Variants in CNTNAP2 observed in about 807,000 individuals in gnomAD.
CNTNAP2 encodes contactin-associated protein-like 2.
CNTNAP2 carries 98 observed loss-of-function variants against 155.2 expected under a neutral mutation model. The ratio of observed to expected loss-of-function variants is 0.63; its 90% CI spans 0.54 to 0.75. CNTNAP2 has a LOEUF of 0.75. Ranked by LOEUF, CNTNAP2 falls within the 30% of genes least tolerant of loss-of-function variation. CNTNAP2 has a pLI of 0.00. For missense variants in CNTNAP2, 1,727 were observed against 1,688.1 expected, an observed-to-expected ratio of 1.02 and a Z score of -0.40; for synonymous variants, 651 against 631.2, an observed-to-expected ratio of 1.03 and a Z score of -0.47.
intron 1 of CNTNAP2, among the ~76,000 whole-genome samples, chr7:146,485,824 A>G (rs377249479): frequency 2.6e-5 from 4 of 152,102 alleles, no homozygotes; most frequent in African/African-American, 9.7e-5. Flanking sequence ...CAAATTACCT[A>G]TTAACAAACC....
intron 8 of CNTNAP2, among the ~76,000 whole-genome samples, chr7:147,266,678 A>G (rs1584831261): frequency 6.6e-6 from 1 of 152,166 alleles, no homozygotes; most frequent in East Asian, 1.9e-4. Context: ...TTTTGAGCCT[A>G]TTGTTGGATT....
intron 15 of CNTNAP2, among the ~76,000 whole-genome samples, chr7:147,981,099 A>G (rs1160780186): frequency 6.6e-6 from 1 of 152,192 alleles, no homozygotes; most frequent in Admixed American, 6.5e-5. Context: ...TGCCTTACAA[A>G]TGAAGAAAAT....
At chr7:147,062,881 T>G (rs1799709741) in intron 4 of CNTNAP2, among the ~76,000 whole-genome samples, 1 of 152,196 alleles carries the variant, frequency 6.6e-6, no homozygotes, top group Non-Finnish European at 1.5e-5. Context: ...GTCTTGATGC[T>G]CACACAGAGA....
chr7:148,204,727 T>G (rs1049573103), intron 18 of CNTNAP2, among the ~76,000 whole-genome samples: 2 of 152,220 alleles, frequency 1.3e-5, no homozygotes, highest in African/African-American at 4.8e-5. Context: ...CAGGAGCTAA[T>G]AAGCAAATCG....
chr7:147,141,720 G>C (rs1272359433), intron 8 of CNTNAP2, among the ~76,000 whole-genome samples: 2 of 152,052 alleles, frequency 1.3e-5, no homozygotes, highest in African/African-American at 4.8e-5. Flanking sequence ...CACAGGATCA[G>C]GTACTGTGGA....
intron 15 of CNTNAP2, among the ~76,000 whole-genome samples, chr7:148,017,890 C>T (rs574900173): frequency 8.5e-5 from 13 of 152,278 alleles, no homozygotes; most frequent in East Asian, 1.9e-4. Context: ...AAAATAAGTT[C>T]GGCTACCCAA....
intron 13 of CNTNAP2, among the ~76,000 whole-genome samples, chr7:147,857,545 C>T (rs1799060563): frequency 6.6e-6 from 1 of 152,130 alleles, no homozygotes; most frequent in Admixed American, 6.5e-5. Flanking sequence ...AATATTAAAA[C>T]TAAATTGTTG....
At chr7:146,432,948 A>G (rs1182133790) in intron 1 of CNTNAP2, among the ~76,000 whole-genome samples, 2 of 152,168 alleles carry the variant, frequency 1.3e-5, no homozygotes, top group Non-Finnish European at 2.9e-5. Flanking sequence ...TACAGAGAAA[A>G]GAGCTAATGA....
intron 18 of CNTNAP2, among the ~76,000 whole-genome samples, chr7:148,192,282 ACT>A (rs1380362434): frequency 1.3e-5 from 2 of 152,054 alleles, no homozygotes; most frequent in African/African-American, 2.4e-5. Context: ...GAGTCTCCAC[ACT>A]CTATGTCCAT....
intron 13 of CNTNAP2, among the ~76,000 whole-genome samples, chr7:147,755,612 A>C (rs1797204049): frequency 1.3e-5 from 2 of 152,228 alleles, no homozygotes; most frequent in South Asian, 4.1e-4. Context: ...AAATCATGCC[A>C]CTGCACCCCA....
At chr7:146,435,438 G>C (rs1202564609) in intron 1 of CNTNAP2, among the ~76,000 whole-genome samples, 1 of 152,156 alleles carries the variant, frequency 6.6e-6, no homozygotes, top group African/African-American at 2.4e-5. Context: ...CTAGTTAAAA[G>C]AATTGTGTGC....
At chr7:146,826,176 T>A (rs1177463491) in intron 2 of CNTNAP2, among the ~76,000 whole-genome samples, 1 of 152,124 alleles carries the variant, frequency 6.6e-6, no homozygotes, top group African/African-American at 2.4e-5. Context: ...TATATTTAGT[T>A]ACTAGTTAGA....
At chr7:147,562,386 A>G (rs1800081293) in intron 12 of CNTNAP2, 129 bp downstream of exon 12, 1 of 1,162,260 alleles carries the variant, frequency 8.6e-7, no homozygotes, top group Admixed American at 1.8e-5. Flanking sequence ...ATATTGCTGG[A>G]TTTGTTAGAT....
intron 1 of CNTNAP2, among the ~76,000 whole-genome samples, chr7:146,368,410 G>A (rs1406066115): frequency 1.3e-5 from 2 of 152,082 alleles, no homozygotes; most frequent in African/African-American, 4.8e-5. Flanking sequence ...TCCCAGATTG[G>A]TATGGTATTG....
At chr7:147,666,391 T>A (rs1795697419) in intron 13 of CNTNAP2, among the ~76,000 whole-genome samples, 1 of 152,174 alleles carries the variant, frequency 6.6e-6, no homozygotes, top group Non-Finnish European at 1.5e-5. Context: ...ACCACATTAC[T>A]CATGTGTGTG....
chr7:147,706,943 T>C (rs142728798), intron 13 of CNTNAP2, among the ~76,000 whole-genome samples: 2,517 of 152,268 alleles, frequency 0.017, 224 homozygotes, highest in Admixed American at 0.15. Context: ...TATTTTTTAT[T>C]TCATTTAAGG....
intron 13 of CNTNAP2, among the ~76,000 whole-genome samples, chr7:147,881,729 G>A (rs1355474429): frequency 6.6e-6 from 1 of 152,192 alleles, no homozygotes; most frequent in Admixed American, 6.5e-5. Flanking sequence ...CCAGCACTTT[G>A]GGAGGCCGAG....
chr7:147,837,089 T>A (rs1480399513), intron 13 of CNTNAP2, among the ~76,000 whole-genome samples: 1 of 152,156 alleles, frequency 6.6e-6, no homozygotes, highest in African/African-American at 2.4e-5. Flanking sequence ...ATATAATCAA[T>A]AAGCATGTTG....
chr7:147,199,798 G>A (rs1802886013), intron 8 of CNTNAP2, among the ~76,000 whole-genome samples: 1 of 150,958 alleles, frequency 6.6e-6, no homozygotes, highest in Admixed American at 6.6e-5. Context: ...ACATTTTTGA[G>A]AAGTTAGAAA....
Sources: gnomAD v4.1 joint callset for allele counts (sites outside exome capture counted in the v4.1 genomes callset) on GRCh38, gnomAD v4.1.1 for gene constraint, MANE v1.5 for transcripts, NCBI Gene and HGNC (gene_info 2026-07-23, HGNC 2026-07-21) for gene names.